PHACTR3: variants seen among roughly 807,000 people sequenced by gnomAD.
PHACTR3 encodes phosphatase and actin regulator 3.
A neutral mutation model predicts 66.8 loss-of-function variants in PHACTR3; 16 were observed. The ratio of observed to expected loss-of-function variants is 0.24; its 90% CI spans 0.16 to 0.36. The LOEUF (loss-of-function observed/expected upper bound fraction) is 0.36. Among genes scored for constraint, PHACTR3 ranks in the 10% least tolerant of loss-of-function variants. The pLI, the probability that PHACTR3 is intolerant of heterozygous loss-of-function variation, is 1.00. For missense variants in PHACTR3, 647 were observed against 719.9 expected (o/e 0.90, Z 1.16); for synonymous variants, 323 against 292.1 (o/e 1.11, Z -1.08).
chr20:59,597,652 C>T (rs1157457607), intron 1 of PHACTR3, among the ~76,000 whole-genome samples: 1 of 152,230 alleles, frequency 6.6e-6, no homozygotes, highest in Non-Finnish European at 1.5e-5. Context: ...ATGGTAAGAG[C>T]TAAGTGTTAA....
chr20:59,635,153 C>CTTTCTTTCTTTCTT (rs1568948912), intron 1 of PHACTR3, among the ~76,000 whole-genome samples: 58 of 36,752 alleles, frequency 1.6e-3, no homozygotes, highest in Non-Finnish European at 2.0e-3. Flanking sequence ...CTTTCTTTTT[C>CTTTCTTTCTTTCTT]TTTCTTTCTT....
rs770899702 is a variant in PHACTR3 at position 59,830,967 on chromosome 20, T to C, written c.1329-5538T>C. Among the ~76,000 whole-genome samples the C allele has an allele frequency of 7.2e-5, 11 of 152,020 alleles. No individual in the cohort carries two copies. Among genetic ancestry groups the C allele is most frequent in the Non-Finnish European group, 1.5e-4 (10 of 67,980 alleles). ...ATGACTCCTGGAGCCTCTCCAGGCG[T>C]CCTGACTGTCCAGGCTGTCGGCGGT... On this transcript the variant is annotated intron_variant, in intron 8 of 12. Transcript: ENST00000371015. The surrounding 1 kb of genome is among the most constrained non-coding windows in gnomAD (Gnocchi z 5.8).
chr20:59,610,165 G>A (rs758183634), intron 1 of PHACTR3, among the ~76,000 whole-genome samples: 51 of 152,206 alleles, frequency 3.4e-4, no homozygotes, highest in Non-Finnish European at 6.2e-4. Context: ...TGAGCCGGGA[G>A]GATCGCTTGA....
At chr20:59,601,471 C>T (rs2033476624), upstream of PHACTR3, among the ~76,000 whole-genome samples, 1 of 152,232 alleles carries the variant, frequency 6.6e-6, no homozygotes, top group African/African-American at 2.4e-5. Context: ...CACCCCTTGC[C>T]AGGGATCTTG....
chr20:59,732,534 C>T (rs2038804316), intron 1 of PHACTR3, among the ~76,000 whole-genome samples: 1 of 152,098 alleles, frequency 6.6e-6, no homozygotes, highest in Admixed American at 6.5e-5. Flanking sequence ...TTTGTCTTTT[C>T]TTCTCTGTGC....
intron 5 of PHACTR3, among the ~76,000 whole-genome samples, chr20:59,771,595 C>T (rs1013467491): frequency 6.6e-6 from 1 of 152,070 alleles, no homozygotes; most frequent in Non-Finnish European, 1.5e-5. Context: ...CCCCTCCCTC[C>T]ACCACTCTCT....
chr20:59,766,453 C>A (rs2040184843), intron 4 of PHACTR3, among the ~76,000 whole-genome samples: 1 of 152,050 alleles, frequency 6.6e-6, no homozygotes, highest in South Asian at 2.1e-4. Flanking sequence ...ATGATGGAAC[C>A]CAAGCCAGGC....
intron 8 of PHACTR3, among the ~76,000 whole-genome samples, chr20:59,821,998 G>A (rs2042046190): frequency 1.1e-5 from 1 of 91,954 alleles, no homozygotes; most frequent in African/African-American, 3.9e-5. Context: ...CCCTTCCCCA[G>A]CAATCCCACC....
intron 3 of PHACTR3, among the ~76,000 whole-genome samples, chr20:59,754,145 G>A (rs563020021): frequency 6.6e-6 from 1 of 152,346 alleles, no homozygotes; most frequent in African/African-American, 2.4e-5. Context: ...TGACTTGCTG[G>A]CCGAGGGCCC....
At position 59,774,200 on chromosome 20, in the gene PHACTR3, G is replaced by A. The variant is rs769416446; in HGVS notation, c.927-43G>A. On this transcript the variant is annotated intron_variant, in intron 6 of 12. Transcript: ENST00000371015. ...AAAGTCAATCGTGCTGGGTTTCTGGGTGAAGGGGGTGACCTATAACCTGAA... is the reference window on the plus strand; with the variant it reads ...AAAGTCAATCGTGCTGGGTTTCTGGATGAAGGGGGTGACCTATAACCTGAA... The A allele has an allele frequency of 6.6e-6, 10 of 1,526,266 alleles. No homozygotes were observed. In the African/African-American group the frequency reaches 1.3e-4, roughly 19 times the overall value. 94.5% of individuals were successfully genotyped at this position (1,526,266 alleles called of 1,614,324 possible).
intron 7 of PHACTR3, among the ~76,000 whole-genome samples, chr20:59,799,119 A>T (rs1041467939): frequency 1.3e-5 from 2 of 151,964 alleles, no homozygotes; most frequent in Admixed American, 1.3e-4. Flanking sequence ...ATTGATTGCC[A>T]ATTTATTTCC....
intron 4 of PHACTR3, among the ~76,000 whole-genome samples, chr20:59,755,998 G>A (rs1056438680): frequency 1.6e-4 from 25 of 152,206 alleles, no homozygotes; most frequent in Non-Finnish European, 1.0e-4. Flanking sequence ...TGGAGGGTGG[G>A]AGGAACTTAG....
intron 1 of PHACTR3, chr20:59,628,624 C>G: frequency 2.0e-6 from 2 of 985,370 alleles, no homozygotes; most frequent in Non-Finnish European, 1.2e-6. Flanking sequence ...CACAAAGAAA[C>G]AAAAAGTACG....
At chr20:59,842,853 G>C (rs2059089345) in intron 11 of PHACTR3, among the ~76,000 whole-genome samples, 2 of 152,008 alleles carry the variant, frequency 1.3e-5, no homozygotes, top group African/African-American at 4.8e-5. Flanking sequence ...TTAATGAATG[G>C]AACACTTACA....
At chr20:59,788,678 T>C (rs1182514) in intron 7 of PHACTR3, among the ~76,000 whole-genome samples, 148,469 of 152,296 alleles carry the variant, frequency 0.97, 72,399 homozygotes, top group East Asian at 1. Flanking sequence ...TGCTAAAACC[T>C]CACATGTCCA....
At chr20:59,844,368 A>T (rs1178437786) in intron 11 of PHACTR3, 3 of 152,156 alleles carry the variant, frequency 2.0e-5, no homozygotes, top group Non-Finnish European at 4.4e-5. Flanking sequence ...TCCCCTGTTC[A>T]CTGCAGCATT....
rs1364298911 is a variant in PHACTR3, at chr20:59,829,742, G to T, written c.1329-6763G>T. Among the ~76,000 whole-genome samples the T allele has an allele frequency of 6.6e-6, 1 of 152,252 alleles. No individual in the cohort carries two copies. Among genetic ancestry groups the T allele is most frequent in the Non-Finnish European group, 1.5e-5 (1 of 68,048 alleles). ...GGGCGTCCCCTGTGGGTGTCGAGCT[G>T]TCTGTTCTCTCTAGGAAGGCATTCT... is the stretch of plus-strand genomic sequence containing the variant. On this transcript the variant is annotated intron_variant, in intron 8 of 12. Coordinates refer to ENST00000371015, the MANE Select transcript of PHACTR3 (RefSeq NM_080672.5). This position sits in a 1 kb window ranked among gnomAD's most constrained non-coding sequence, Gnocchi z 4.2.
At chr20:59,619,351 G>A (rs2034153558) in intron 1 of PHACTR3, among the ~76,000 whole-genome samples, 1 of 152,114 alleles carries the variant, frequency 6.6e-6, no homozygotes, top group South Asian at 2.1e-4. Context: ...GAAGATGGAG[G>A]GGACTATGTG....
chr20:59,760,356 T>C (rs1306769507), intron 4 of PHACTR3, among the ~76,000 whole-genome samples: 1 of 152,198 alleles, frequency 6.6e-6, no homozygotes, highest in Non-Finnish European at 1.5e-5. Flanking sequence ...GTGCCCGATA[T>C]GGTTTGGCTG....
Sources: allele counts gnomAD v4.1 joint callset (sites outside exome capture counted in the v4.1 genomes callset), GRCh38; gene constraint gnomAD v4.1.1; non-coding constraint Gnocchi (gnomAD v3.1); transcripts MANE v1.5; gene names NCBI Gene and HGNC (gene_info 2026-07-23, HGNC 2026-07-21).